The following MRPS9 variants were observed in gnomAD, a reference collection of about 807,000 sequenced individuals.
MRPS9 encodes small ribosomal subunit protein uS9m.
MRPS9 carries 45 observed loss-of-function variants against 59.9 expected under a neutral mutation model. The ratio of observed to expected loss-of-function variants is 0.75; its 90% confidence interval spans 0.59 to 0.96. The LOEUF is 0.96. Among genes scored for constraint, MRPS9 ranks in the 40% least tolerant of loss-of-function variants. MRPS9 has a pLI of 0.00. For missense variants in MRPS9, 473 were observed against 481.1 expected, an observed-to-expected ratio of 0.98 and a Z score of 0.16; for synonymous variants, 171 against 166.8, an observed-to-expected ratio of 1.03 and a Z score of -0.19.
chr2:105,061,553 A>G (rs371305876), intron 2 of MRPS9, among the ~76,000 whole-genome samples: 1 of 152,156 alleles, frequency 6.6e-6, no homozygotes, highest in Non-Finnish European at 1.5e-5. Flanking sequence ...ATGCATTTTG[A>G]TGTTTTTCTG....
chr2:105,047,134 A>G (rs187608940), intron 1 of MRPS9, among the ~76,000 whole-genome samples: 23 of 152,146 alleles, frequency 1.5e-4, no homozygotes, highest in African/African-American at 5.5e-4. Context: ...CGGACCATGC[A>G]TTAGCCAGTT....
chr2:105,091,034 G>GA (rs1216650729), intron 7 of MRPS9, among the ~76,000 whole-genome samples: 1 of 152,000 alleles, frequency 6.6e-6, no homozygotes, highest in Admixed American at 6.6e-5. Flanking sequence ...CTTCTTCACT[G>GA]AACAAGTAAT....
chr2:105,085,919 A>G (rs1306481763), intron 5 of MRPS9, among the ~76,000 whole-genome samples: 5 of 152,176 alleles, frequency 3.3e-5, no homozygotes, highest in Non-Finnish European at 7.4e-5. Context: ...AGTTCTTGGC[A>G]TATTTTATAC....
chr2:105,040,489 A>G (rs898294760), intron 1 of MRPS9, among the ~76,000 whole-genome samples: 6 of 152,220 alleles, frequency 3.9e-5, no homozygotes, highest in African/African-American at 1.2e-4. Flanking sequence ...TATAAACAGT[A>G]AATATTACAA....
chr2:105,074,374 A>G lies in MRPS9; in HGVS notation c.409+2885A>G, dbSNP rs145276418. Among the ~76,000 whole-genome samples, 707 of 152,348 alleles carry G rather than the reference A, an allele frequency of 4.6e-3. 8 individuals carry two copies. Among genetic ancestry groups the G allele is most frequent in the African/African-American group, 0.016 (660 of 41,580 alleles). The stretch of plus-strand genomic sequence containing the variant: ...TCTAGCAAATCTGGCCAGGGAAAAA[A>G]GAGAAAACATAAGAGGACAATATTA... On this transcript the variant is annotated intron_variant, in intron 4 of 10. Transcript: ENST00000258455.
At chr2:105,073,421 C>A (rs1022148661) in intron 4 of MRPS9, among the ~76,000 whole-genome samples, 9 of 152,124 alleles carry the variant, frequency 5.9e-5, no homozygotes, top group African/African-American at 2.2e-4. Context: ...AAACAGTACT[C>A]CTCTAGAATT....
intron 4 of MRPS9, among the ~76,000 whole-genome samples, chr2:105,074,252 A>G (rs1174856822): frequency 6.6e-6 from 1 of 152,210 alleles, no homozygotes; most frequent in Non-Finnish European, 1.5e-5. Flanking sequence ...AGAAAAAGAA[A>G]AATAGAATAG....
chr2:105,042,319 C>A (rs1201506797), intron 1 of MRPS9, among the ~76,000 whole-genome samples: 1 of 152,248 alleles, frequency 6.6e-6, no homozygotes, highest in Non-Finnish European at 1.5e-5. Flanking sequence ...GGGCTGAAGG[C>A]CCCAGGTCCT....
intron 2 of MRPS9, among the ~76,000 whole-genome samples, chr2:105,064,475 G>T (rs1055718306): frequency 6.6e-6 from 1 of 152,206 alleles, no homozygotes; most frequent in African/African-American, 2.4e-5. Flanking sequence ...CAGGAGCACA[G>T]TCTTGTTTAG....
At chr2:105,051,194 T>G (rs1276965485) in intron 2 of MRPS9, among the ~76,000 whole-genome samples, 1 of 152,214 alleles carries the variant, frequency 6.6e-6, no homozygotes, top group Non-Finnish European at 1.5e-5. Context: ...CATTTAGGTC[T>G]TTGATCCATT....
chr2:105,063,066 A>G (rs1158818144), intron 2 of MRPS9, among the ~76,000 whole-genome samples: 1 of 152,278 alleles, frequency 6.6e-6, no homozygotes, highest in African/African-American at 2.4e-5. Context: ...AAAAGAGAAA[A>G]TAGAAATTTA....
chr2:105,089,351 TATTTAGC>T (rs1680512143), intron 6 of MRPS9, among the ~76,000 whole-genome samples: 2 of 152,348 alleles, frequency 1.3e-5, no homozygotes, highest in South Asian at 2.1e-4. Flanking sequence ...GCTGCACATT[TATTTAGC>T]ATTTGCATGC....
intron 4 of MRPS9, among the ~76,000 whole-genome samples, chr2:105,077,938 G>A (rs1201139798): frequency 6.6e-6 from 1 of 151,970 alleles, no homozygotes; most frequent in Non-Finnish European, 1.5e-5. Flanking sequence ...ACAACTTTTG[G>A]GAGAAACTTG....
chr2:105,091,060 G>A (rs889814769), intron 7 of MRPS9, among the ~76,000 whole-genome samples: 3 of 151,792 alleles, frequency 2.0e-5, no homozygotes, highest in Non-Finnish European at 4.4e-5. Context: ...TATTTCCTCT[G>A]TTTCTGGCTG....
At chr2:105,076,797 A>G (rs1459451032) in intron 4 of MRPS9, among the ~76,000 whole-genome samples, 8 of 152,262 alleles carry the variant, frequency 5.3e-5, no homozygotes, top group African/African-American at 1.9e-4. Flanking sequence ...CAAAGACACT[A>G]GGAAATTTGA....
At chr2:105,091,263 T>C in intron 7 of MRPS9, 1 of 470,924 alleles carries the variant, frequency 2.1e-6, no homozygotes, top group Admixed American at 2.3e-5. Context: ...AGGTGGTCAG[T>C]GACTTCTTGA....
At position 105,082,041 on chromosome 2, in the gene MRPS9, A is replaced by G. The variant is rs139794848; in HGVS notation, c.489+1979A>G. Among the ~76,000 whole-genome samples, 91 of 152,280 alleles carry G rather than the reference A, an allele frequency of 6.0e-4. 1 individual carries two copies. The East Asian group carries it at 0.014, about 23-fold the overall frequency. On this transcript the variant is annotated intron_variant, in intron 5 of 10. Coordinates refer to ENST00000258455, the MANE Select transcript of MRPS9 (RefSeq NM_182640.3). ...CAGGCACTGCGTAGAAAGTCCAGCT[A>G]TAACACTTGGAGCCATCTCGCCTGT...
At chr2:105,053,585 C>T (rs1405514053) in intron 2 of MRPS9, among the ~76,000 whole-genome samples, 1 of 152,024 alleles carries the variant, frequency 6.6e-6, no homozygotes, top group Non-Finnish European at 1.5e-5. Flanking sequence ...ATCTAGAATA[C>T]GTTTTTAATA....
At position 105,092,402 on chromosome 2, in the gene MRPS9, A is replaced by G. The variant is rs1181730849; in HGVS notation, c.653A>G (p.Tyr218Cys). Residue 218 changes from tyrosine (Y) to cysteine (C), a missense_variant and splice_region_variant, in exon 8 of 11, where the codon TAT (tyrosine) becomes TGT (cysteine). Transcript: ENST00000258455. ...MLVEKLSDLDYMQFIRLLEKL... is the reference protein window; with the variant it reads ...MLVEKLSDLDCMQFIRLLEKL... ...CTAATGAATTTTTATTGTCTGCAGTATATGCAGTTCATTCGGCTGCTAGAA... is the reference window on the plus strand; with the variant it reads ...CTAATGAATTTTTATTGTCTGCAGTGTATGCAGTTCATTCGGCTGCTAGAA... The G allele has an allele frequency of 6.2e-7, 1 of 1,607,904 alleles. No homozygotes were observed. The highest frequency in any genetic ancestry group is 1.1e-5 in the South Asian group (1 of 89,396).
Sources: gnomAD v4.1 joint callset for allele counts (sites outside exome capture counted in the v4.1 genomes callset) on GRCh38, gnomAD v4.1.1 for gene constraint, MANE v1.5 for transcripts, NCBI Gene and HGNC (gene_info 2026-07-23, HGNC 2026-07-21) for gene names.